WDR7: variants seen among roughly 807,000 people sequenced by gnomAD.
WDR7 encodes the protein WD repeat domain 7.
In WDR7, 46 loss-of-function variants were observed where a neutral mutation model predicts 169.4. The observed-to-expected ratio is 0.27, with a 90% CI of 0.21 to 0.35. The LOEUF (loss-of-function observed/expected upper bound fraction) is 0.35. WDR7 is among the 10% of genes least tolerant of loss of function. The pLI, the probability that WDR7 is intolerant of heterozygous loss-of-function variation, is 1.00. For synonymous variants in WDR7, 612 were observed against 666.8 expected (o/e 0.92, Z 1.27); for missense variants, 1,534 against 1,859.3 (o/e 0.83, Z 3.22).
intron 21 of WDR7, among the ~76,000 whole-genome samples, chr18:56,920,356 A>G (rs1224095537): frequency 2.0e-5 from 3 of 152,200 alleles, no homozygotes; most frequent in Non-Finnish European, 4.4e-5. Context: ...AAAAATTATA[A>G]CACAATGCAC....
intron 25 of WDR7, among the ~76,000 whole-genome samples, chr18:56,961,632 T>C (rs962649303): frequency 3.3e-5 from 5 of 152,176 alleles, no homozygotes; most frequent in African/African-American, 4.8e-5. Flanking sequence ...AGTATGGCAA[T>C]GCACAGACAA....
At chr18:56,909,237 GGA>G (rs997218085) in intron 21 of WDR7, among the ~76,000 whole-genome samples, 1 of 72,518 alleles carries the variant, frequency 1.4e-5, no homozygotes, top group African/African-American at 3.2e-5. Flanking sequence ...TTTAGTCACT[GGA>G]GAGAGAAAGA....
chr18:56,885,455 A>G lies in WDR7; in HGVS notation c.3526+5290A>G, dbSNP rs544450040. On this transcript the variant is annotated intron_variant, in intron 21 of 27. Transcript: ENST00000254442. ...ACAAATAAACAATCACAACTTCTGG[A>G]ATGAAGGACATGCTTAGAGAAATGT... Among the ~76,000 whole-genome samples, 4 of 152,176 alleles carry G rather than the reference A, an allele frequency of 2.6e-5. No homozygotes were observed. In the South Asian group the frequency reaches 8.3e-4, roughly 32 times the overall value.
At chr18:56,911,857 A>G (rs186449717) in intron 21 of WDR7, among the ~76,000 whole-genome samples, 3 of 152,326 alleles carry the variant, frequency 2.0e-5, no homozygotes, top group East Asian at 1.9e-4. Flanking sequence ...GTTTCTTGCC[A>G]TATTTTTGGT....
At chr18:56,775,277 T>G (rs2044223616) in intron 16 of WDR7, among the ~76,000 whole-genome samples, 1 of 152,066 alleles carries the variant, frequency 6.6e-6, no homozygotes, top group African/African-American at 2.4e-5. Flanking sequence ...TATGGAAAAG[T>G]CCTAACTGAA....
chr18:56,905,273 C>T (rs899627488), intron 21 of WDR7, among the ~76,000 whole-genome samples: 1 of 152,112 alleles, frequency 6.6e-6, no homozygotes, highest in African/African-American at 2.4e-5. Flanking sequence ...CTCAGCCTCC[C>T]GAGTAGCTGG....
rs113975894 is a variant in WDR7 at position 56,819,765 on chromosome 18, G to A, written c.3304+3621G>A. On this transcript the variant is annotated intron_variant, in intron 20 of 27. Coordinates refer to ENST00000254442, the MANE Select transcript of WDR7 (RefSeq NM_015285.3). ...TGTATATTTAGAATCTGTTTTAACTGCTTAATAGAATTTAAAACAAAACAA... is the reference window on the plus strand; with the variant it reads ...TGTATATTTAGAATCTGTTTTAACTACTTAATAGAATTTAAAACAAAACAA... Among the ~76,000 whole-genome samples the A allele has an allele frequency of 7.6e-3, 1,160 of 152,050 alleles. 12 individuals carry two copies. The highest frequency in any genetic ancestry group is 0.012 in the Non-Finnish European group (803 of 67,914).
At chr18:56,886,144 C>A (rs1220499405) in intron 21 of WDR7, among the ~76,000 whole-genome samples, 1 of 152,132 alleles carries the variant, frequency 6.6e-6, no homozygotes, top group African/African-American at 2.4e-5. Flanking sequence ...AGAAATTTAT[C>A]ACAAAAAGAT....
chr18:56,796,121 A>G (rs145755379), intron 19 of WDR7, among the ~76,000 whole-genome samples: 183 of 152,338 alleles, frequency 1.2e-3, no homozygotes, highest in African/African-American at 4.2e-3. Flanking sequence ...TTGGATGTAT[A>G]TCAATGCAAT....
intron 26 of WDR7, among the ~76,000 whole-genome samples, chr18:56,995,794 G>A (rs1400788591): frequency 3.3e-5 from 5 of 152,180 alleles, no homozygotes; most frequent in Admixed American, 6.5e-5. Flanking sequence ...CCCAGACTGA[G>A]TCCCAGCGTC....
chr18:56,989,413 G>A (rs1238018570), intron 26 of WDR7, among the ~76,000 whole-genome samples: 1 of 151,928 alleles, frequency 6.6e-6, no homozygotes, highest in Non-Finnish European at 1.5e-5. Context: ...TTCTTTGATG[G>A]TCTTTTTTAT....
chr18:56,885,378 C>A (rs2046172215), intron 21 of WDR7, among the ~76,000 whole-genome samples: 1 of 151,576 alleles, frequency 6.6e-6, no homozygotes, highest in African/African-American at 2.4e-5. Context: ...TTAATGAAAT[C>A]AAAAAAATTA....
chr18:56,733,905 C>T (rs2026640189), intron 14 of WDR7, among the ~76,000 whole-genome samples: 1 of 152,080 alleles, frequency 6.6e-6, no homozygotes, highest in South Asian at 2.1e-4. Context: ...CTGTGCTTTT[C>T]CATGACATCT....
At position 56,718,103 on chromosome 18, in the gene WDR7, A is replaced by C; in HGVS notation, c.1718A>C (p.Asp573Ala). ...IQVIKWRPSDDYLVVGCSDGS... is the reference protein window; with the variant it reads ...IQVIKWRPSDAYLVVGCSDGS... ...GTAATCAAATGGAGGCCTTCTGATG[A>C]TTACCTGGTGGTGGGGTGTTCAGAT... Residue 573 changes from aspartate (D) to alanine (A), a missense_variant, in exon 13 of 28, where the codon GAT (aspartate) becomes GCT (alanine). Physicochemically the swap from Asp to Ala is moderately radical, Grantham distance 126. Coordinates refer to ENST00000254442, the MANE Select transcript of WDR7 (RefSeq NM_015285.3). The C allele has an allele frequency of 1.9e-6, 3 of 1,614,136 alleles. No individual in the cohort carries two copies. Among genetic ancestry groups the C allele is most frequent in the South Asian group, 1.1e-5 (1 of 91,074 alleles).
chr18:56,960,446 G>A (rs778861793), intron 25 of WDR7, among the ~76,000 whole-genome samples: 1 of 152,112 alleles, frequency 6.6e-6, no homozygotes, highest in Non-Finnish European at 1.5e-5. Context: ...TGTTAAATTT[G>A]TGCAAATAAT....
intron 19 of WDR7, among the ~76,000 whole-genome samples, chr18:56,792,613 T>TG (rs373916344): frequency 0.096 from 1,868 of 19,366 alleles, 18 homozygotes; most frequent in East Asian, 0.32. Flanking sequence ...TAAATCTTTG[T>TG]TTTTTTTTTT....
At chr18:56,700,252 C>CTTTTTTTTTTT (rs1226348026) in intron 12 of WDR7, among the ~76,000 whole-genome samples, 5 of 67,248 alleles carry the variant, frequency 7.4e-5, no homozygotes, top group Admixed American at 2.6e-4. Context: ...TTTTCATTTT[C>CTTTTTTTTTTT]TTTTTTTTTT....
At chr18:56,838,832 A>G (rs1212651549) in intron 20 of WDR7, among the ~76,000 whole-genome samples, 2 of 152,148 alleles carry the variant, frequency 1.3e-5, no homozygotes, top group African/African-American at 4.8e-5. Context: ...AAGGGTTTGA[A>G]ATTTCATTAG....
intron 26 of WDR7, among the ~76,000 whole-genome samples, chr18:56,986,909 T>G (rs1461817709): frequency 7.1e-6 from 1 of 140,088 alleles, no homozygotes; most frequent in East Asian, 2.0e-4. Flanking sequence ...AGGCCTTTTT[T>G]AAAATCAAGG....
Sources: gnomAD v4.1 joint callset for allele counts (sites outside exome capture counted in the v4.1 genomes callset) on GRCh38, gnomAD v4.1.1 for gene constraint, MANE v1.5 for transcripts, NCBI Gene and HGNC (gene_info 2026-07-23, HGNC 2026-07-21) for gene names.